KCNQ5: variants seen among roughly 807,000 people sequenced by gnomAD.
KCNQ5 encodes the protein potassium voltage-gated channel subfamily Q member 5.
Under a neutral mutation model 98.2 loss-of-function variants are expected in KCNQ5, and 30 were observed. That is an observed-to-expected ratio of 0.31 (90% confidence interval 0.23 to 0.41). The LOEUF (loss-of-function observed/expected upper bound fraction) is 0.41, where lower values mean the gene tolerates loss of function less well. Ranked by LOEUF, KCNQ5 falls within the 10% of genes least tolerant of loss-of-function variation. The pLI, the probability that KCNQ5 is intolerant of heterozygous loss-of-function variation, is 1.00. For missense variants in KCNQ5, 835 were observed against 1,182.5 expected (o/e 0.71, Z 4.31); for synonymous variants, 458 against 449.4 (o/e 1.02, Z -0.24).
chr6:73,158,949 A>G (rs1777500720), intron 10 of KCNQ5, among the ~76,000 whole-genome samples: 1 of 152,218 alleles, frequency 6.6e-6, no homozygotes, highest in Admixed American at 6.5e-5. Context: ...GGGCATTGAA[A>G]CTTATATAAC....
At chr6:72,644,314 C>T (rs1023037835) in intron 1 of KCNQ5, among the ~76,000 whole-genome samples, 2 of 152,126 alleles carry the variant, frequency 1.3e-5, no homozygotes, top group Non-Finnish European at 2.9e-5. Flanking sequence ...ACTGAACTCA[C>T]AGTTTGTAAG....
intron 1 of KCNQ5, among the ~76,000 whole-genome samples, chr6:72,870,650 A>C (rs1778166606): frequency 6.6e-6 from 1 of 152,204 alleles, no homozygotes; most frequent in Non-Finnish European, 1.5e-5. Context: ...GCATCCAAAT[A>C]CTTAAAGCCA....
At chr6:72,813,200 A>G (rs993919443) in intron 1 of KCNQ5, among the ~76,000 whole-genome samples, 1 of 152,212 alleles carries the variant, frequency 6.6e-6, no homozygotes, top group Non-Finnish European at 1.5e-5. Flanking sequence ...AGTGAGAAAT[A>G]TATATTTAAA....
chr6:72,856,467 T>TACACAC (rs1176580825), intron 1 of KCNQ5, among the ~76,000 whole-genome samples: 9 of 58,310 alleles, frequency 1.5e-4, no homozygotes, highest in South Asian at 1.7e-3. Flanking sequence ...CACACACACA[T>TACACAC]ATATACACAC....
chr6:72,890,633 G>T (rs548944612), intron 1 of KCNQ5, among the ~76,000 whole-genome samples: 2 of 152,218 alleles, frequency 1.3e-5, no homozygotes, highest in East Asian at 3.9e-4. Flanking sequence ...GACACACCAG[G>T]ATCAAAACCA....
intron 1 of KCNQ5, among the ~76,000 whole-genome samples, chr6:72,870,427 T>A (rs1778155709): frequency 6.6e-6 from 1 of 152,038 alleles, no homozygotes; most frequent in South Asian, 2.1e-4. Flanking sequence ...TTTTTGTATT[T>A]TTTTGTAGAC....
intron 3 of KCNQ5, among the ~76,000 whole-genome samples, chr6:73,076,562 T>A (rs1421776250): frequency 2.0e-5 from 3 of 152,236 alleles, no homozygotes; most frequent in African/African-American, 7.2e-5. Context: ...GCAGATTTTT[T>A]CAGCCTAATG....
At chr6:72,633,576 G>A (rs903766411) in intron 1 of KCNQ5, among the ~76,000 whole-genome samples, 7 of 152,080 alleles carry the variant, frequency 4.6e-5, no homozygotes, top group Admixed American at 6.5e-5. Flanking sequence ...AAAAGAACCC[G>A]AATAGCCAAA....
intron 1 of KCNQ5, among the ~76,000 whole-genome samples, chr6:72,966,139 G>A (rs746120353): frequency 6.6e-6 from 1 of 152,098 alleles, no homozygotes; most frequent in Non-Finnish European, 1.5e-5. Flanking sequence ...AGCCCAAGAA[G>A]AATTTCTTGT....
chr6:73,102,833 T>C (rs1417251027), intron 5 of KCNQ5, among the ~76,000 whole-genome samples: 1 of 152,158 alleles, frequency 6.6e-6, no homozygotes, highest in Non-Finnish European at 1.5e-5. Context: ...AAAGGAACCA[T>C]TGTACACTGT....
chr6:72,852,661 A>ATATATAT (rs60436919), intron 1 of KCNQ5, among the ~76,000 whole-genome samples: 8 of 125,360 alleles, frequency 6.4e-5, no homozygotes, highest in South Asian at 5.2e-4. Flanking sequence ...ATATATATAT[A>ATATATAT]AATGGCACTT....
chr6:73,095,243 C>A (rs566501601), intron 5 of KCNQ5, among the ~76,000 whole-genome samples: 50 of 152,262 alleles, frequency 3.3e-4, no homozygotes, highest in African/African-American at 1.1e-3. Flanking sequence ...TTTTGCATTT[C>A]TATAAGGGTG....
chr6:72,638,314 C>A (rs1475385525), intron 1 of KCNQ5, among the ~76,000 whole-genome samples: 1 of 152,124 alleles, frequency 6.6e-6, no homozygotes. Flanking sequence ...AGATCTTTTA[C>A]ATCTAGTATT....
chr6:72,985,001 G>A (rs1768693096), intron 1 of KCNQ5, among the ~76,000 whole-genome samples: 1 of 152,152 alleles, frequency 6.6e-6, no homozygotes, highest in African/African-American at 2.4e-5. Context: ...GAAATCAGTA[G>A]TTAGACCAGC....
chr6:73,193,280 A>T (rs1765664107), intron 13 of KCNQ5, among the ~76,000 whole-genome samples: 1 of 151,376 alleles, frequency 6.6e-6, no homozygotes, highest in African/African-American at 2.4e-5. Flanking sequence ...TTGGCCTCCC[A>T]AAGTGCTGAG....
At chr6:72,935,871 AT>A (rs1458415952) in intron 1 of KCNQ5, among the ~76,000 whole-genome samples, 3 of 152,126 alleles carry the variant, frequency 2.0e-5, no homozygotes, top group Non-Finnish European at 4.4e-5. Context: ...GCAGTATTCC[AT>A]GCTTTGGATC....
At chr6:72,951,625 T>C (rs1325151945) in intron 1 of KCNQ5, among the ~76,000 whole-genome samples, 1 of 152,012 alleles carries the variant, frequency 6.6e-6, no homozygotes, top group South Asian at 2.1e-4. Context: ...AGATATGTCC[T>C]CCCCTAAGAT....
chr6:72,833,614 C>A (rs914869069), intron 1 of KCNQ5, among the ~76,000 whole-genome samples: 8 of 152,082 alleles, frequency 5.3e-5, no homozygotes, highest in African/African-American at 1.9e-4. Flanking sequence ...AGAGTTTTAA[C>A]ATTAATTAAC....
At chr6:72,877,092 A>C (rs1371856384) in intron 1 of KCNQ5, among the ~76,000 whole-genome samples, 3 of 152,022 alleles carry the variant, frequency 2.0e-5, no homozygotes, top group Admixed American at 1.3e-4. Flanking sequence ...ACATGTACAG[A>C]ATGTGCAGGT....
Sources: allele counts gnomAD v4.1 joint callset (sites outside exome capture counted in the v4.1 genomes callset), GRCh38; gene constraint gnomAD v4.1.1; transcripts MANE v1.5; gene names NCBI Gene and HGNC (gene_info 2026-07-23, HGNC 2026-07-21).